SGCZ: variants seen among roughly 807,000 people sequenced by gnomAD.
The protein encoded by SGCZ is zeta-sarcoglycan.
A neutral mutation model predicts 41.3 loss-of-function variants in SGCZ; 40 were observed. The observed-to-expected ratio is 0.97, with a 90% CI of 0.75 to 1.26. SGCZ has a LOEUF of 1.26. Among genes scored for constraint, SGCZ ranks in the 50% most tolerant of loss-of-function variants. The probability of loss-of-function intolerance (pLI) is 0.00; values close to 1 mark genes in which losing one functional copy is unlikely to be tolerated. For missense variants in SGCZ, 552 were observed against 369.8 expected (o/e 1.49, Z -4.04); for synonymous variants, 206 against 137.5 (o/e 1.50, Z -3.49).
At chr8:15,229,475 T>C (rs1464528171) in intron 1 of SGCZ, among the ~76,000 whole-genome samples, 2 of 152,186 alleles carry the variant, frequency 1.3e-5, no homozygotes, top group African/African-American at 4.8e-5. Context: ...AGAAAAACAC[T>C]ATTGATTTTA....
chr8:14,614,139 A>C (rs938586272), intron 1 of SGCZ, among the ~76,000 whole-genome samples: 1 of 152,144 alleles, frequency 6.6e-6, no homozygotes. Flanking sequence ...ATCCAGAACA[A>C]TTTCCCTAAT....
intron 2 of SGCZ, among the ~76,000 whole-genome samples, chr8:14,349,261 C>T (rs574687311): frequency 5.9e-4 from 90 of 152,222 alleles, no homozygotes; most frequent in Non-Finnish European, 9.1e-4. Context: ...GGTACTCCTT[C>T]AATTCCCTTT....
At chr8:15,177,000 C>A (rs1203575543) in intron 1 of SGCZ, among the ~76,000 whole-genome samples, 4 of 149,788 alleles carry the variant, frequency 2.7e-5, no homozygotes, top group African/African-American at 9.8e-5. Flanking sequence ...GACTTTGTTT[C>A]AAAAAAAAGA....
At chr8:14,350,834 A>T (rs957159133) in intron 2 of SGCZ, among the ~76,000 whole-genome samples, 7 of 152,134 alleles carry the variant, frequency 4.6e-5, no homozygotes, top group Non-Finnish European at 1.0e-4. Context: ...TATACCATGA[A>T]CTTGCATTAT....
chr8:15,003,099 A>G (rs1802485157), intron 1 of SGCZ, among the ~76,000 whole-genome samples: 1 of 152,100 alleles, frequency 6.6e-6, no homozygotes, highest in South Asian at 2.1e-4. Flanking sequence ...TTAATATTAA[A>G]AGAGGTATAT....
At chr8:14,844,294 G>C (rs577291836) in intron 1 of SGCZ, among the ~76,000 whole-genome samples, 107 of 152,190 alleles carry the variant, frequency 7.0e-4, no homozygotes, top group African/African-American at 2.5e-3. Flanking sequence ...ATACTTTAGA[G>C]AGTGGAAACA....
At chr8:14,095,975 G>C (rs1297346591) in intron 7 of SGCZ, among the ~76,000 whole-genome samples, 1 of 152,182 alleles carries the variant, frequency 6.6e-6, no homozygotes, top group Non-Finnish European at 1.5e-5. Context: ...CTTTGCTGAA[G>C]TTGCTTATCA....
At chr8:14,158,519 A>C (rs1803944939) in intron 5 of SGCZ, among the ~76,000 whole-genome samples, 1 of 152,112 alleles carries the variant, frequency 6.6e-6, no homozygotes, top group Non-Finnish European at 1.5e-5. Context: ...CCACCCTCAC[A>C]GACACAGCCA....
intron 1 of SGCZ, among the ~76,000 whole-genome samples, chr8:14,868,976 C>T (rs1009210352): frequency 6.6e-6 from 1 of 152,030 alleles, no homozygotes; most frequent in African/African-American, 2.4e-5. Context: ...AAGCCCAGGA[C>T]CAGACAGATT....
chr8:14,892,600 C>T (rs1229309530), intron 1 of SGCZ, among the ~76,000 whole-genome samples: 1 of 151,990 alleles, frequency 6.6e-6, no homozygotes, highest in Admixed American at 6.6e-5. Flanking sequence ...ATTAATACAT[C>T]ATTAAATTTT....
intron 4 of SGCZ, among the ~76,000 whole-genome samples, chr8:14,166,277 T>TGAA (rs1563163106): frequency 3.3e-5 from 5 of 152,170 alleles, no homozygotes; most frequent in African/African-American, 1.2e-4. Flanking sequence ...TGGAAACCAT[T>TGAA]GAAGACCTAT....
chr8:14,140,542 C>A (rs1473095236), intron 5 of SGCZ, among the ~76,000 whole-genome samples: 1 of 152,026 alleles, frequency 6.6e-6, no homozygotes, highest in African/African-American at 2.4e-5. Flanking sequence ...AAACAGAGAG[C>A]AAAATAGTGA....
At chr8:14,841,282 G>A (rs572826104) in intron 1 of SGCZ, among the ~76,000 whole-genome samples, 6 of 152,120 alleles carry the variant, frequency 3.9e-5, no homozygotes, top group Non-Finnish European at 4.4e-5. Flanking sequence ...GCATCTACAA[G>A]CACTGGCTCC....
intron 1 of SGCZ, among the ~76,000 whole-genome samples, chr8:15,130,844 C>T (rs1807869784): frequency 1.3e-5 from 2 of 152,110 alleles, no homozygotes; most frequent in Non-Finnish European, 2.9e-5. Context: ...ATGACAAAAT[C>T]ACTACAAAAT....
intron 4 of SGCZ, among the ~76,000 whole-genome samples, chr8:14,169,520 C>T (rs983072370): frequency 1.3e-5 from 2 of 152,074 alleles, no homozygotes; most frequent in African/African-American, 4.8e-5. Flanking sequence ...ATTTACTTTT[C>T]CTGGAAATCT....
intron 1 of SGCZ, among the ~76,000 whole-genome samples, chr8:14,959,384 A>G (rs1373991346): frequency 6.6e-6 from 1 of 152,106 alleles, no homozygotes; most frequent in Non-Finnish European, 1.5e-5. Context: ...AAAGTTTCAA[A>G]TTAGCAAGAT....
chr8:14,868,059 A>G (rs1018983224), intron 1 of SGCZ, among the ~76,000 whole-genome samples: 3 of 152,176 alleles, frequency 2.0e-5, no homozygotes, highest in Non-Finnish European at 2.9e-5. Flanking sequence ...TACTTAGCTA[A>G]TTTGAGCTTC....
chr8:14,166,763 A>G (rs1355501110), intron 4 of SGCZ, among the ~76,000 whole-genome samples: 1 of 152,096 alleles, frequency 6.6e-6, no homozygotes, highest in Non-Finnish European at 1.5e-5. Flanking sequence ...AACATGCTAT[A>G]TTGCATGACA....
chr8:14,457,602 T>C (rs981577010), intron 2 of SGCZ, among the ~76,000 whole-genome samples: 1 of 152,248 alleles, frequency 6.6e-6, no homozygotes, highest in South Asian at 2.1e-4. Context: ...TGTTCCATCC[T>C]GTACACCTGG....
Sources: gnomAD v4.1 joint callset for allele counts (sites outside exome capture counted in the v4.1 genomes callset) on GRCh38, gnomAD v4.1.1 for gene constraint, MANE v1.5 for transcripts, NCBI Gene and HGNC (gene_info 2026-07-23, HGNC 2026-07-21) for gene names.